Variants in F5 observed in about 807,000 individuals in gnomAD.
F5 encodes coagulation factor V.
F5 carries 138 observed loss-of-function variants against 216.4 expected under a neutral mutation model. The observed-to-expected ratio is 0.64, with a 90% CI of 0.56 to 0.73. The LOEUF (loss-of-function observed/expected upper bound fraction) is 0.73. F5 is among the 30% of genes least tolerant of loss of function. F5 has a pLI of 0.00. For synonymous variants in F5, 916 were observed against 930.7 expected (o/e 0.98, Z 0.29); for missense variants, 2,403 against 2,674.0 (o/e 0.90, Z 2.24).
intron 19 of F5, among the ~76,000 whole-genome samples, chr1:169,524,567 G>A (rs902773887): frequency 2.0e-5 from 3 of 152,052 alleles, no homozygotes; most frequent in East Asian, 1.9e-4. Flanking sequence ...CCCAGCTATC[G>A]GTTTTTCCTG....
rs201709883 is a variant in F5 at position 169,518,498 on chromosome 1, A to G, written c.6259T>C (p.Phe2087Leu). 2.5e-6 allele frequency: 4 copies of G among 1,613,880 alleles called. No individual in the cohort carries two copies. Among genetic ancestry groups the G allele is most frequent in the South Asian group, 1.1e-5 (1 of 91,082 alleles). Reference sequence around the variant, plus strand: ...TAATCTCCCCACCAAGATTTCTTAAACGAAGAAGCTGTGATTTGCTTGTTT... The same window carrying G: ...TAATCTCCCCACCAAGATTTCTTAAGCGAAGAAGCTGTGATTTGCTTGTTT... ...IENKQITASS[F>L]KKSWWGDYWE... The change falls in exon 23 of 25, where the codon TTT becomes CTT. Residue 2087 changes from phenylalanine (F) to leucine (L), a missense_variant. By Grantham distance (22) the Phe-to-Leu change is conservative. Transcript: ENST00000367797.
chr1:169,515,648 A>G (rs1269463434), intron 23 of F5, 22 bp from the exon 24 acceptor site: 2 of 1,609,624 alleles, frequency 1.2e-6, no homozygotes, highest in East Asian at 2.2e-5. Context: ...ACAAAAACAC[A>G]TAGATAAGGA....
At chr1:169,564,338 C>T (rs980528106) in intron 3 of F5, among the ~76,000 whole-genome samples, 3 of 152,066 alleles carry the variant, frequency 2.0e-5, no homozygotes, top group African/African-American at 7.2e-5. Context: ...CTCTGCAGGA[C>T]TCTGCCCTAA....
rs141304261 is a variant in F5, at chr1:169,517,815, G to A, written c.6345+597C>T. Reference sequence around the variant, plus strand: ...AAAGCTCTTAAAATAAGGAGGGCGGGGAAGAGAACAAAAAAGTTTAGATGA... The same window carrying A: ...AAAGCTCTTAAAATAAGGAGGGCGGAGAAGAGAACAAAAAAGTTTAGATGA... On this transcript the variant is annotated intron_variant, in intron 23 of 24. Transcript: ENST00000367797. 3.6e-3 allele frequency among the ~76,000 whole-genome samples: 543 copies of A among 151,932 alleles called. 4 individuals are homozygous for A. Among genetic ancestry groups the A allele is most frequent in the Non-Finnish European group, 4.1e-3 (276 of 67,956 alleles).
Position 169,518,390 on chromosome 1 carries a change from C to T in F5, c.6345+22G>A, listed in dbSNP as rs1357015265. 7 of 1,613,218 alleles carry T rather than the reference C, an allele frequency of 4.3e-6. No homozygotes were observed. In the East Asian group the frequency reaches 6.7e-5, roughly 15 times the overall value. On this transcript the variant is annotated intron_variant, in intron 23 of 24. Transcript: ENST00000367797. ...TTTCTTCTGGAGCCCTAAGAGAACA[C>T]CATGCATAGAGTATACTTGACCTTG...
chr1:169,516,546 T>A (rs1006003193), intron 23 of F5, among the ~76,000 whole-genome samples: 1 of 152,230 alleles, frequency 6.6e-6, no homozygotes, highest in African/African-American at 2.4e-5. Flanking sequence ...GCAAATTAAC[T>A]GAATTAGAAT....
chr1:169,571,166 T>A lies in F5; in HGVS notation c.373+1055A>T, dbSNP rs750021060. Among the ~76,000 whole-genome samples, 13 of 152,302 alleles carry A rather than the reference T, an allele frequency of 8.5e-5. No homozygotes were observed. The East Asian group carries it at 1.3e-3, about 16-fold the overall frequency. On this transcript the variant is annotated intron_variant, in intron 3 of 24. Coordinates refer to ENST00000367797, the MANE Select transcript of F5 (RefSeq NM_000130.5). ...GTGCCTGATGGAACTCTACTATGCT[T>A]ACAATGATCTGAACATCAGCATAAT...
rs770398321 is a variant in F5, at chr1:169,559,313, A to G, written c.587-17T>C. 16 of 1,613,292 alleles carry G rather than the reference A, an allele frequency of 9.9e-6. No homozygotes were observed. The highest frequency in any genetic ancestry group is 1.3e-5 in the Non-Finnish European group (15 of 1,179,502). ...TTAGGGTCCCTATGAAAGGAAAGAC[A>G]TGTTTTCAGTAGCACTGCAGATAGA... On this transcript the variant is annotated splice_polypyrimidine_tract_variant and intron_variant, in intron 4 of 24. Transcript: ENST00000367797.
intron 6 of F5, 100 bp downstream of exon 6, chr1:169,556,546 G>T: frequency 9.2e-7 from 1 of 1,085,660 alleles, no homozygotes; most frequent in Non-Finnish European, 1.4e-6. Context: ...GTTTGTCTGC[G>T]GTGCAGGTGG....
intron 3 of F5, among the ~76,000 whole-genome samples, chr1:169,561,780 GACA>G (rs1275207567): frequency 2.0e-5 from 3 of 152,052 alleles, no homozygotes; most frequent in Non-Finnish European, 4.4e-5. Context: ...GATGTAGGCA[GACA>G]ACAAGGATCT....
intron 7 of F5, among the ~76,000 whole-genome samples, chr1:169,553,563 A>AT (rs1400335733): frequency 5.3e-5 from 8 of 151,984 alleles, no homozygotes; most frequent in East Asian, 3.9e-4. Flanking sequence ...AAAAAATTAT[A>AT]TTTTTTGTAT....
chr1:169,545,005 A>G (rs1659965234), intron 11 of F5, among the ~76,000 whole-genome samples: 1 of 152,170 alleles, frequency 6.6e-6, no homozygotes, highest in African/African-American at 2.4e-5. Context: ...CATACATTTC[A>G]TTATTGTTAA....
At chr1:169,527,042 G>A (rs1659473411) in intron 17 of F5, among the ~76,000 whole-genome samples, 1 of 151,926 alleles carries the variant, frequency 6.6e-6, no homozygotes, top group African/African-American at 2.4e-5. Context: ...TTCACACAAC[G>A]TCACCCAAAG....
At chr1:169,584,448 C>T (rs1368744613) in intron 1 of F5, among the ~76,000 whole-genome samples, 4 of 152,172 alleles carry the variant, frequency 2.6e-5, no homozygotes, top group Admixed American at 2.6e-4. Flanking sequence ...TCTTTGTATA[C>T]ATGTGAGTGA....
At chr1:169,531,124 G>C (rs1659587651) in intron 14 of F5, 102 bp from the exon 15 acceptor site, 2 of 853,114 alleles carry the variant, frequency 2.3e-6, no homozygotes, top group Admixed American at 3.6e-5. Context: ...TAAAATCGGA[G>C]CTAAGATATA....
At chr1:169,585,336 T>A (rs1661079230) in intron 1 of F5, among the ~76,000 whole-genome samples, 1 of 152,140 alleles carries the variant, frequency 6.6e-6, no homozygotes, top group East Asian at 1.9e-4. Context: ...ATTACTTTGG[T>A]TTTGTAATTG....
chr1:169,577,578 T>C (rs900992242), intron 2 of F5, among the ~76,000 whole-genome samples: 13 of 105,424 alleles, frequency 1.2e-4, no homozygotes, highest in Middle Eastern at 7.9e-3. Flanking sequence ...TATATATATA[T>C]ATATATATAT....
Position 169,521,529 on chromosome 1 carries a change from C to T in F5, c.6049-865G>A, listed in dbSNP as rs565950043. ...GTCAGAAAAAGCCAACTTTTTAAAA[C>T]AGAAGATTGGAGCAGGTATCGGTAA... On this transcript the variant is annotated intron_variant, in intron 21 of 24. Transcript: ENST00000367797. Among the ~76,000 whole-genome samples, 5 of 150,452 alleles carry T rather than the reference C, an allele frequency of 3.3e-5. No homozygotes were observed. In the South Asian group the frequency reaches 8.4e-4, roughly 25 times the overall value.
At chr1:169,517,390 C>A (rs1659185135) in intron 23 of F5, among the ~76,000 whole-genome samples, 1 of 152,134 alleles carries the variant, frequency 6.6e-6, no homozygotes, top group African/African-American at 2.4e-5. Flanking sequence ...GGAATCCAAT[C>A]TTTTCTATTT....
Sources: allele counts gnomAD v4.1 joint callset (sites outside exome capture counted in the v4.1 genomes callset), GRCh38; gene constraint gnomAD v4.1.1; transcripts MANE v1.5; gene names NCBI Gene and HGNC (gene_info 2026-07-23, HGNC 2026-07-21).